NDUFAF2: variants seen among roughly 807,000 people sequenced by gnomAD.
NDUFAF2 encodes the protein NADH:ubiquinone oxidoreductase complex assembly factor 2, also known as NADH dehydrogenase [ubiquinone] 1 alpha subcomplex assembly factor 2.
Under a neutral mutation model 22.8 loss-of-function variants are expected in NDUFAF2, and 13 were observed. The ratio of observed to expected loss-of-function variants is 0.57; its 90% CI spans 0.37 to 0.91. The LOEUF is 0.91. NDUFAF2 is among the 40% of genes least tolerant of loss of function. NDUFAF2 has a pLI of 0.01. For missense variants in NDUFAF2, 162 were observed against 195.2 expected (o/e 0.83, Z 1.01); for synonymous variants, 53 against 64.2 (o/e 0.83, Z 0.84).
intron 1 of NDUFAF2, among the ~76,000 whole-genome samples, chr5:61,034,490 A>G (rs1751771116): frequency 6.6e-6 from 1 of 152,206 alleles, no homozygotes; most frequent in Non-Finnish European, 1.5e-5. Flanking sequence ...CAGTATTATA[A>G]TCTTACAGGA....
chr5:61,149,939 G>A (rs111720390), intron 3 of NDUFAF2, among the ~76,000 whole-genome samples: 1,646 of 151,912 alleles, frequency 0.011, 32 homozygotes, highest in African/African-American at 0.038. Flanking sequence ...TTTTTGTTTT[G>A]TTTTATTTGA....
intron 1 of NDUFAF2, among the ~76,000 whole-genome samples, chr5:60,992,534 T>C (rs1267219110): frequency 1.3e-5 from 2 of 152,244 alleles, no homozygotes; most frequent in African/African-American, 4.8e-5. Flanking sequence ...TCTTTCTACT[T>C]ATTTAATTCA....
chr5:60,961,070 G>T (rs1278444731), intron 1 of NDUFAF2, among the ~76,000 whole-genome samples: 1 of 152,112 alleles, frequency 6.6e-6, no homozygotes, highest in African/African-American at 2.4e-5. Context: ...GATGATGGTG[G>T]TGGTAGTGGT....
chr5:61,078,352 A>T (rs1561558886), intron 2 of NDUFAF2, among the ~76,000 whole-genome samples: 1 of 152,196 alleles, frequency 6.6e-6, no homozygotes, highest in African/African-American at 2.4e-5. Flanking sequence ...ATGTTTAAGG[A>T]AAAGGCATTT....
At chr5:60,988,758 A>G (rs914977720) in intron 1 of NDUFAF2, among the ~76,000 whole-genome samples, 14 of 152,196 alleles carry the variant, frequency 9.2e-5, no homozygotes, top group Non-Finnish European at 1.3e-4. Flanking sequence ...CCCCTTTCTT[A>G]CATCATATAT....
At chr5:61,083,147 T>C (rs142625149) in intron 2 of NDUFAF2, 1 of 152,206 alleles carries the variant, frequency 6.6e-6, no homozygotes, top group Non-Finnish European at 1.5e-5. Flanking sequence ...TATTTTTTCA[T>C]GTTTGTTGGC....
At chr5:61,107,990 A>G (rs1343965915) in intron 3 of NDUFAF2, among the ~76,000 whole-genome samples, 2 of 151,094 alleles carry the variant, frequency 1.3e-5, no homozygotes, top group East Asian at 3.9e-4. Context: ...TACAAAGGAC[A>G]TGAACTCATC....
intron 3 of NDUFAF2, among the ~76,000 whole-genome samples, chr5:61,137,739 G>T (rs1212540944): frequency 6.6e-6 from 1 of 152,212 alleles, no homozygotes; most frequent in Non-Finnish European, 1.5e-5. Flanking sequence ...GGGTCATTTG[G>T]AGCCTTGTTG....
intron 2 of NDUFAF2, among the ~76,000 whole-genome samples, chr5:61,098,724 A>T (rs1291900916): frequency 1.3e-5 from 2 of 152,166 alleles, no homozygotes; most frequent in Admixed American, 6.5e-5. Flanking sequence ...AAACATATGA[A>T]ACTGTCCCCT....
chr5:61,111,592 A>T (rs1174956528), intron 3 of NDUFAF2, among the ~76,000 whole-genome samples: 1 of 151,776 alleles, frequency 6.6e-6, no homozygotes, highest in Non-Finnish European at 1.5e-5. Context: ...GCTCGCCACT[A>T]CACACAGCTA....
At chr5:61,090,953 T>A (rs185221640) in intron 2 of NDUFAF2, among the ~76,000 whole-genome samples, 43 of 152,284 alleles carry the variant, frequency 2.8e-4, no homozygotes, top group African/African-American at 1.0e-3. Context: ...GGTTTTCTGT[T>A]CCTGTGTTAG....
intron 1 of NDUFAF2, among the ~76,000 whole-genome samples, chr5:61,016,139 T>G (rs1751507265): frequency 6.6e-6 from 1 of 151,994 alleles, no homozygotes; most frequent in African/African-American, 2.4e-5. Context: ...TAAGCCAAGA[T>G]CACGCCATTG....
At position 60,968,017 on chromosome 5, in the gene NDUFAF2, A is replaced by G. The variant is rs140776053; in HGVS notation, c.127+22635A>G. Among the ~76,000 whole-genome samples the G allele has an allele frequency of 1.8e-3, 274 of 151,528 alleles. 3 individuals are homozygous for G. The highest frequency in any genetic ancestry group is 6.5e-3 in the African/African-American group (267 of 41,388). ...ACTTTATTACTGATCCAGTCTCCTT[A>G]CTTGTTACTGGTCTGTTCAGATTTT... On this transcript the variant is annotated intron_variant, in intron 1 of 3. Transcript: ENST00000296597.
chr5:60,963,653 A>G (rs1386140556), intron 1 of NDUFAF2, among the ~76,000 whole-genome samples: 1 of 152,240 alleles, frequency 6.6e-6, no homozygotes, highest in African/African-American at 2.4e-5. Context: ...TTGAGATACT[A>G]TATTAATAAG....
At chr5:61,002,809 A>C (rs1751313979) in intron 1 of NDUFAF2, among the ~76,000 whole-genome samples, 1 of 152,122 alleles carries the variant, frequency 6.6e-6, no homozygotes, top group Admixed American at 6.6e-5. Flanking sequence ...CAAAAATGAA[A>C]ATTTCCATCT....
Position 61,076,569 on chromosome 5 carries a change from G to T in NDUFAF2, c.217+3355G>T, listed in dbSNP as rs184103104. Among the ~76,000 whole-genome samples the T allele has an allele frequency of 1.7e-4, 26 of 152,318 alleles. No individual in the cohort carries two copies. The East Asian group carries it at 4.8e-3, about 28-fold the overall frequency. ...AGTGTGATTGGGATAGAATGAGAGA[G>T]AAATTAATAGATAAGGTTAGAGAGT... is the stretch of plus-strand genomic sequence containing the variant. On this transcript the variant is annotated intron_variant, in intron 2 of 3. Coordinates refer to ENST00000296597, the MANE Select transcript of NDUFAF2 (RefSeq NM_174889.5).
intron 3 of NDUFAF2, among the ~76,000 whole-genome samples, chr5:61,136,470 T>TAG (rs1188890948): frequency 6.6e-6 from 1 of 152,126 alleles, no homozygotes; most frequent in Non-Finnish European, 1.5e-5. Flanking sequence ...GGTCACCAAA[T>TAG]ACCTCTTTAA....
At chr5:61,057,425 A>G (rs1752113200) in intron 1 of NDUFAF2, among the ~76,000 whole-genome samples, 1 of 152,182 alleles carries the variant, frequency 6.6e-6, no homozygotes, top group African/African-American at 2.4e-5. Flanking sequence ...GGAAAGAAGT[A>G]AATGTATGGT....
At chr5:61,008,009 G>T (rs1751392056) in intron 1 of NDUFAF2, among the ~76,000 whole-genome samples, 1 of 152,048 alleles carries the variant, frequency 6.6e-6, no homozygotes. Context: ...GTAGGGACAT[G>T]CATGAAATTG....
Sources: allele counts gnomAD v4.1 joint callset (sites outside exome capture counted in the v4.1 genomes callset), GRCh38; gene constraint gnomAD v4.1.1; transcripts MANE v1.5; gene names NCBI Gene and HGNC (gene_info 2026-07-23, HGNC 2026-07-21).